The following APC variants were observed in gnomAD, a reference collection of about 807,000 sequenced individuals.
APC encodes adenomatous polyposis coli protein.
A neutral mutation model predicts 247.0 loss-of-function variants in APC; 72 were observed. The ratio of observed to expected loss-of-function variants is 0.29; its 90% CI spans 0.24 to 0.35. APC has a LOEUF of 0.35. Among genes scored for constraint, APC ranks in the 10% least tolerant of loss-of-function variants. The pLI is 1.00. For missense variants in APC, 3,400 were observed against 3,360.7 expected (o/e 1.01, Z -0.29); for synonymous variants, 1,254 against 1,162.5 (o/e 1.08, Z -1.60).
At chr5:112,814,532 C>G (rs78186993) in intron 8 of APC, among the ~76,000 whole-genome samples, 1 of 152,178 alleles carries the variant, frequency 6.6e-6, no homozygotes, top group Non-Finnish European at 1.5e-5. Flanking sequence ...ACCTTCAGTT[C>G]AAGCCAATTA....
chr5:112,728,749 G>A (rs568739882), intron 1 of APC, among the ~76,000 whole-genome samples: 30 of 151,684 alleles, frequency 2.0e-4, no homozygotes, highest in African/African-American at 5.8e-4. Flanking sequence ...AAAGCTTTTG[G>A]CCATTACATT....
At position 112,843,486 on chromosome 5, in the gene APC, C is replaced by T. The variant is rs730881269; in HGVS notation, c.7892C>T (p.Ser2631Phe). 6 of 1,613,966 alleles carry T rather than the reference C, an allele frequency of 3.7e-6. No homozygotes were observed. Among genetic ancestry groups the T allele is most frequent in the Non-Finnish European group, 5.1e-6 (6 of 1,179,876 alleles). ...SPTNSTSQTVSSGATNGAESK... is the reference protein window; with the variant it reads ...SPTNSTSQTVFSGATNGAESK... ...ACAAATAGTACTTCTCAGACCGTTT[C>T]CTCAGGTGCTACAAATGGTGCTGAA... is the stretch of plus-strand genomic sequence containing the variant. The change falls in exon 16 of 16, where the codon TCC becomes TTC. Residue 2631 changes from serine (S) to phenylalanine (F), a missense_variant. Around this residue, in one of 9 missense-constraint regions of APC, gnomAD observed 1,788 missense variants for 1,649.5 expected, o/e 1.08. Coordinates refer to ENST00000257430, the MANE Select transcript of APC (RefSeq NM_000038.6). This position sits in a 1 kb window ranked among gnomAD's most constrained non-coding sequence, Gnocchi z 4.8.
intron 8 of APC, among the ~76,000 whole-genome samples, chr5:112,802,471 A>G (rs1760929858): frequency 6.6e-6 from 1 of 152,108 alleles, no homozygotes; most frequent in South Asian, 2.1e-4. Context: ...ATCCTATATG[A>G]CAGAAAAAAA....
At chr5:112,785,537 C>G (rs1758842027) in intron 6 of APC, among the ~76,000 whole-genome samples, 1 of 151,930 alleles carries the variant, frequency 6.6e-6, no homozygotes, top group Non-Finnish European at 1.5e-5. Context: ...CAAGAATTTC[C>G]AAAAACATTT....
chr5:112,797,195 T>A (rs1047322196), intron 7 of APC, among the ~76,000 whole-genome samples: 1 of 152,200 alleles, frequency 6.6e-6, no homozygotes, highest in African/African-American at 2.4e-5. Flanking sequence ...TGCATTATTC[T>A]GATAGTTTGT....
rs765079957 is a variant in APC at position 112,834,972 on chromosome 5, T to C, written c.1765T>C (p.Leu589=). Residue 589 remains leucine, a synonymous_variant, in exon 15 of 16, where the codon TTG becomes CTG. Coordinates refer to ENST00000257430, the MANE Select transcript of APC (RefSeq NM_000038.6). The part of the protein sequence containing the change: ...VKKESTLKSV[L]SALWNLSAHC... ...CTAGGAATCAACCCTCAAAAGCGTA[T>C]TGAGTGCCTTATGGAATTTGTCAGC... 6.2e-7 allele frequency: 1 copy of C among 1,614,080 alleles called. No individual in the cohort carries two copies. Among genetic ancestry groups the C allele is most frequent in the South Asian group, 1.1e-5 (1 of 91,082 alleles).
rs1056964195 is a variant in APC, at chr5:112,738,418, A to G, written c.-19+493A>G. 68 of 985,726 alleles carry G rather than the reference A, an allele frequency of 6.9e-5. No individual in the cohort carries two copies. The highest frequency in any genetic ancestry group is 7.2e-5 in the Non-Finnish European group (60 of 830,128). The allele number at this position is 985,726 out of a possible 1,614,324, so 61.1% of individuals were successfully genotyped here. A position where few individuals can be genotyped will look rare whatever the true frequency, so the allele number is the denominator to read the frequency against. On this transcript the variant is annotated intron_variant, in intron 1 of 15. Coordinates refer to ENST00000257430, the MANE Select transcript of APC (RefSeq NM_000038.6). ...CGCTGCAGATGGCTGATGTGAATCT[A>G]GTGGAAAGAGCTACTGGGGATGAGA... is the stretch of plus-strand genomic sequence containing the variant.
Position 112,803,642 on chromosome 5 carries a change from A to T in APC, c.834+2259A>T, listed in dbSNP as rs989649374. On this transcript the variant is annotated intron_variant, in intron 8 of 15. Coordinates refer to ENST00000257430, the MANE Select transcript of APC (RefSeq NM_000038.6). The stretch of plus-strand genomic sequence containing the variant: ...GTAAAAGGTAACCGATTCTGTTGTT[A>T]ACAAGTGTTAATAATTATCTTTAAA... Among the ~76,000 whole-genome samples, 21 of 152,334 alleles carry T rather than the reference A, an allele frequency of 1.4e-4. No homozygotes were observed. The East Asian group carries it at 3.5e-3, about 25-fold the overall frequency.
At chr5:112,762,650 C>T (rs560746338) in intron 2 of APC, among the ~76,000 whole-genome samples, 20 of 152,294 alleles carry the variant, frequency 1.3e-4, no homozygotes, top group Non-Finnish European at 2.9e-4. Flanking sequence ...CCAAACTCTT[C>T]TGATAAAGAA....
chr5:112,829,164 G>T (rs770544927), intron 14 of APC, 192 bp downstream of exon 14: 82 of 516,826 alleles, frequency 1.6e-4, no homozygotes, highest in Non-Finnish European at 2.7e-4. Context: ...TTTGAGATGG[G>T]GTCTCTTTCT....
rs78880731 is a variant in APC, at chr5:112,763,363, T to G, written c.136-2963T>G. ...ATTTGATGACATCATATTTTGCAGG[T>G]TTTTTTTTTCTGTGTAATTTATTGT... On this transcript the variant is annotated intron_variant, in intron 2 of 15. Coordinates refer to ENST00000257430, the MANE Select transcript of APC (RefSeq NM_000038.6). Among the ~76,000 whole-genome samples the G allele has an allele frequency of 7.5e-3, 134 of 17,910 alleles. No individual in the cohort carries two copies. In the South Asian group the frequency reaches 0.17, roughly 23 times the overall value. 11.7% of individuals were successfully genotyped at this position (17,910 alleles called of 152,430 possible).
At chr5:112,764,766 A>T (rs1418052307) in intron 2 of APC, among the ~76,000 whole-genome samples, 1 of 152,200 alleles carries the variant, frequency 6.6e-6, no homozygotes, top group Non-Finnish European at 1.5e-5. Flanking sequence ...TTATTGAAGG[A>T]CTAAAACAGT....
rs371085910 is a variant in APC, at chr5:112,775,655, A to G, written c.449A>G (p.Lys150Arg). The G allele has an allele frequency of 6.2e-5, 99 of 1,608,404 alleles. No individual in the cohort carries two copies. Among genetic ancestry groups the G allele is most frequent in the Non-Finnish European group, 7.9e-5 (93 of 1,177,594 alleles). ...ERSLLLADLDKEEKEKDWYYA... is the reference protein window; with the variant it reads ...ERSLLLADLDREEKEKDWYYA... ...TCATTGCTTCTTGCTGATCTTGACAAAGAAGAAAAGGAAAAAGACTGGTAT... is the reference window on the plus strand; with the variant it reads ...TCATTGCTTCTTGCTGATCTTGACAGAGAAGAAAAGGAAAAAGACTGGTAT... Residue 150 changes from lysine (K) to arginine (R), a missense_variant, in exon 5 of 16, where the codon AAA (lysine) becomes AGA (arginine). Lys to Arg is a conservative substitution (Grantham distance 26, BLOSUM62 2). This residue lies in a region of APC where 372 missense variants were observed against 367.6 expected (regional missense o/e 1.01). Coordinates refer to ENST00000257430, the MANE Select transcript of APC (RefSeq NM_000038.6).
chr5:112,813,560 A>G (rs1762190759), intron 8 of APC, among the ~76,000 whole-genome samples: 1 of 152,180 alleles, frequency 6.6e-6, no homozygotes, highest in South Asian at 2.1e-4. Flanking sequence ...TATGTTGTCT[A>G]CCAAAGTGGA....
rs876660653 is a variant in APC, at chr5:112,842,243, C to T, written c.6649C>T (p.Leu2217Phe). ...SEISGQMKQP[L>F]QANMPSISRG... ...AATTTCAGGCCAAATGAAACAGCCCCTTCAAGCAAACATGCCTTCAATCTC... is the reference window on the plus strand; with the variant it reads ...AATTTCAGGCCAAATGAAACAGCCCTTTCAAGCAAACATGCCTTCAATCTC... The change falls in exon 16 of 16, where the codon CTT (leucine) becomes TTT (phenylalanine). Residue 2217 changes from leucine (L) to phenylalanine (F), a missense_variant. Physicochemically the swap from Leu to Phe is conservative, Grantham distance 22. Coordinates refer to ENST00000257430, the MANE Select transcript of APC (RefSeq NM_000038.6). 6.2e-7 allele frequency: 1 copy of T among 1,614,040 alleles called. No individual in the cohort carries two copies. The highest frequency in any genetic ancestry group is 1.7e-4 in the Middle Eastern group (1 of 6,060).
chr5:112,738,385 G>C, intron 1 of APC: 1 of 985,712 alleles, frequency 1.0e-6, no homozygotes, highest in Non-Finnish European at 1.2e-6. Context: ...AGAGAGAGGA[G>C]ACAAAACCGC....
rs182144138 is a variant in APC, at chr5:112,815,176, C to T, written c.835-319C>T. 2.0e-5 allele frequency among the ~76,000 whole-genome samples: 3 copies of T among 152,294 alleles called. No individual in the cohort carries two copies. The East Asian group carries it at 5.8e-4, about 29-fold the overall frequency. ...TGAACATTCCTTCAATGCTTTTCAT[C>T]AATGAACTTATCTGAATGTGGTTTT... On this transcript the variant is annotated intron_variant, in intron 8 of 15. Coordinates refer to ENST00000257430, the MANE Select transcript of APC (RefSeq NM_000038.6).
rs876658386 is a variant in APC, at chr5:112,828,977, C to T, written c.1743+5C>T. Reference sequence around the variant, plus strand: ...TGTGCTTTAGAAGTTAAAAAGGTACCTTTGAAAACATTTAGTACTATAATA... The same window carrying T: ...TGTGCTTTAGAAGTTAAAAAGGTACTTTTGAAAACATTTAGTACTATAATA... On this transcript the variant is annotated splice_donor_5th_base_variant and intron_variant, in intron 14 of 15. Coordinates refer to ENST00000257430, the MANE Select transcript of APC (RefSeq NM_000038.6). 2.5e-6 allele frequency: 4 copies of T among 1,592,368 alleles called. No homozygotes were observed. Among genetic ancestry groups the T allele is most frequent in the Non-Finnish European group, 3.4e-6 (4 of 1,160,596 alleles).
At chr5:112,742,198 A>G (rs1048529702) in intron 1 of APC, among the ~76,000 whole-genome samples, 4 of 151,998 alleles carry the variant, frequency 2.6e-5, no homozygotes, top group Non-Finnish European at 4.4e-5. Context: ...AGATCTATCC[A>G]TTTTACTTTA....
Sources: allele counts gnomAD v4.1 joint callset (sites outside exome capture counted in the v4.1 genomes callset), GRCh38; gene constraint gnomAD v4.1.1; regional missense constraint gnomAD v4.1.1; non-coding constraint Gnocchi (gnomAD v3.1); transcripts MANE v1.5; gene names NCBI Gene and HGNC (gene_info 2026-07-23, HGNC 2026-07-21).